GATAD2B: variants seen among roughly 807,000 people sequenced by gnomAD.
GATAD2B encodes the protein GATA zinc finger domain containing 2B, also known as transcriptional repressor p66-beta.
A neutral mutation model predicts 64.3 loss-of-function variants in GATAD2B; 8 were observed. The ratio of observed to expected loss-of-function variants is 0.12; its 90% CI spans 0.07 to 0.22. The LOEUF is 0.22. Ranked by LOEUF, GATAD2B falls within the 10% of genes least tolerant of loss-of-function variation. GATAD2B has a pLI of 1.00. For synonymous variants in GATAD2B, 281 were observed against 271.3 expected (o/e 1.04, Z -0.35); for missense variants, 453 against 752.0 (o/e 0.60, Z 4.65).
chr1:153,901,235 T>C (rs1333066411), intron 1 of GATAD2B, among the ~76,000 whole-genome samples: 2 of 151,134 alleles, frequency 1.3e-5, no homozygotes, highest in Non-Finnish European at 2.9e-5. Context: ...AAAATTTATA[T>C]GTTTGTATGT....
intron 1 of GATAD2B, among the ~76,000 whole-genome samples, chr1:153,845,641 C>T (rs1675657410): frequency 2.6e-5 from 2 of 76,018 alleles, no homozygotes; most frequent in South Asian, 4.1e-4. Context: ...GCTACTTTGG[C>T]GGGGGGCTGC....
chr1:153,861,680 G>A (rs1477602885), intron 1 of GATAD2B, among the ~76,000 whole-genome samples: 3 of 148,680 alleles, frequency 2.0e-5, no homozygotes, highest in Non-Finnish European at 3.0e-5. Flanking sequence ...CTACTTGGAG[G>A]TCGAGGCAGA....
intron 1 of GATAD2B, among the ~76,000 whole-genome samples, chr1:153,849,776 A>G (rs1473397306): frequency 1.3e-5 from 2 of 151,958 alleles, no homozygotes; most frequent in African/African-American, 2.4e-5. Context: ...GATTACAGAC[A>G]TGTGCCACCT....
chr1:153,833,610 T>A lies in GATAD2B; in HGVS notation c.-1-5262A>T, dbSNP rs1166444995. Among the ~76,000 whole-genome samples, 2 of 151,430 alleles carry A rather than the reference T, an allele frequency of 1.3e-5. 1 individual carries two copies. The highest frequency in any genetic ancestry group is 2.9e-5 in the Non-Finnish European group (2 of 67,886). On this transcript the variant is annotated intron_variant, in intron 1 of 10. Coordinates refer to ENST00000368655, the MANE Select transcript of GATAD2B (RefSeq NM_020699.4). ...CAGGTGGATCACCTAAGGTCAAGAG[T>A]TCGAGACCAGTCTGACCAACATGGT...
intron 1 of GATAD2B, among the ~76,000 whole-genome samples, chr1:153,908,095 G>A (rs1557832683): frequency 6.6e-6 from 1 of 152,076 alleles, no homozygotes; most frequent in Non-Finnish European, 1.5e-5. Context: ...GAGCCATCAC[G>A]CCCAGCCTAA....
At chr1:153,861,794 A>AG (rs369892750) in intron 1 of GATAD2B, among the ~76,000 whole-genome samples, 5 of 94,814 alleles carry the variant, frequency 5.3e-5, no homozygotes, top group Admixed American at 2.6e-4. Flanking sequence ...AAAAAAAAAA[A>AG]AATATATATA....
At chr1:153,838,981 T>A (rs1264157381) in intron 1 of GATAD2B, among the ~76,000 whole-genome samples, 2 of 151,678 alleles carry the variant, frequency 1.3e-5, no homozygotes, top group East Asian at 3.9e-4. Context: ...TGGTGGTGCA[T>A]GCCTGTAATC....
chr1:153,905,655 G>A (rs972066641), intron 1 of GATAD2B, among the ~76,000 whole-genome samples: 3 of 151,212 alleles, frequency 2.0e-5, no homozygotes, highest in Non-Finnish European at 4.4e-5. Flanking sequence ...GTGGTAGCCC[G>A]GCATAGTGGC....
intron 1 of GATAD2B, among the ~76,000 whole-genome samples, chr1:153,899,458 T>C (rs553121388): frequency 2.6e-5 from 4 of 151,724 alleles, no homozygotes; most frequent in African/African-American, 9.7e-5. Context: ...TCCCAGCAAC[T>C]TGGGAGGCTG....
chr1:153,819,052 T>C (rs1344771337), intron 3 of GATAD2B, 130 bp from the exon 4 acceptor site: 1 of 889,618 alleles, frequency 1.1e-6, no homozygotes, highest in Non-Finnish European at 1.7e-6. Flanking sequence ...AATAGGATTA[T>C]CTTTGTATCA....
intron 1 of GATAD2B, among the ~76,000 whole-genome samples, chr1:153,895,604 A>G (rs1035838046): frequency 1.3e-5 from 2 of 152,002 alleles, no homozygotes; most frequent in Non-Finnish European, 2.9e-5. Flanking sequence ...ATAAAAAAAA[A>G]AGAAGAAAAA....
chr1:153,818,130 A>C lies in GATAD2B; in HGVS notation c.639T>G (p.Ser213=), dbSNP rs1365161444. The change falls in exon 5 of 11, where the codon TCT becomes TCG. Residue 213 remains serine (S), a synonymous_variant. Coordinates refer to ENST00000368655, the MANE Select transcript of GATAD2B (RefSeq NM_020699.4). ...VQNAASIVQP[S]PAHVGQQGLS... ...GGCCCTGCTGTCCCACATGGGCAGG[A>C]GATGGCTGAACAATAGATGCTGCAT... 1 of 1,613,192 alleles carries C rather than the reference A, an allele frequency of 6.2e-7. No homozygotes were observed. Among genetic ancestry groups the C allele is most frequent in the Non-Finnish European group, 8.5e-7 (1 of 1,179,492 alleles).
chr1:153,897,973 CT>C (rs1677648577), intron 1 of GATAD2B, among the ~76,000 whole-genome samples: 1 of 147,526 alleles, frequency 6.8e-6, no homozygotes, highest in Non-Finnish European at 1.5e-5. Flanking sequence ...TAATGAGACC[CT>C]GTCTCAAAAA....
chr1:153,893,951 C>A (rs1677498879), intron 1 of GATAD2B, among the ~76,000 whole-genome samples: 1 of 74,192 alleles, frequency 1.3e-5, no homozygotes, highest in Non-Finnish European at 2.6e-5. Flanking sequence ...AACAAGACTC[C>A]ATCTAAAAAA....
Position 153,916,864 on chromosome 1 carries a change from A to AGTG in GATAD2B, c.-2+5866_-2+5868dup, listed in dbSNP as rs551498721. ...CACTCTGTTGACCAGGCTAGAGCAC[A>AGTG]GTGGCACAATCTCGGCTCACTGCAA... On this transcript the variant is annotated intron_variant, in intron 1 of 10. Coordinates refer to ENST00000368655, the MANE Select transcript of GATAD2B (RefSeq NM_020699.4). 2.8e-4 allele frequency among the ~76,000 whole-genome samples: 42 copies of AGTG among 152,306 alleles called. 1 individual carries two copies. In the South Asian group the frequency reaches 8.5e-3, roughly 31 times the overall value.
intron 1 of GATAD2B, among the ~76,000 whole-genome samples, chr1:153,835,007 GGAGAGTGAGGTGA>G (rs761921685): frequency 1.1e-3 from 172 of 152,090 alleles, no homozygotes; most frequent in Non-Finnish European, 2.0e-3. Flanking sequence ...ACCTCACTCA[GGAGAGTGAGGTGA>G]GGGGATCGCA....
chr1:153,812,798 TCTC>T (rs1674338390), intron 8 of GATAD2B, among the ~76,000 whole-genome samples: 1 of 152,124 alleles, frequency 6.6e-6, no homozygotes, highest in Non-Finnish European at 1.5e-5. Flanking sequence ...TCTAAGATAT[TCTC>T]ATCCTATAAC....
At chr1:153,915,765 A>G (rs1678246679) in intron 1 of GATAD2B, among the ~76,000 whole-genome samples, 1 of 151,578 alleles carries the variant, frequency 6.6e-6, no homozygotes, top group African/African-American at 2.4e-5. Context: ...AAAAAAAGAA[A>G]AGAAAAACCA....
At chr1:153,861,513 CA>C (rs956752967) in intron 1 of GATAD2B, among the ~76,000 whole-genome samples, 8 of 150,928 alleles carry the variant, frequency 5.3e-5, no homozygotes, top group Non-Finnish European at 1.0e-4. Flanking sequence ...TACGGCCGGA[CA>C]CAGTGGCTCA....
Sources: gnomAD v4.1 joint callset for allele counts (sites outside exome capture counted in the v4.1 genomes callset) on GRCh38, gnomAD v4.1.1 for gene constraint, MANE v1.5 for transcripts, NCBI Gene and HGNC (gene_info 2026-07-23, HGNC 2026-07-21) for gene names.